RALGAPA2: variants seen among roughly 807,000 people sequenced by gnomAD.
RALGAPA2 encodes Ral GTPase activating protein catalytic subunit alpha 2, also known as ral GTPase-activating protein subunit alpha-2.
A neutral mutation model predicts 230.4 loss-of-function variants in RALGAPA2; 139 were observed. That is an observed-to-expected ratio of 0.60 (90% confidence interval 0.53 to 0.69). The LOEUF (loss-of-function observed/expected upper bound fraction) is 0.69. Among genes scored for constraint, RALGAPA2 ranks in the 30% least tolerant of loss-of-function variants. The pLI is 0.00. For synonymous variants in RALGAPA2, 847 were observed against 837.8 expected, an observed-to-expected ratio of 1.01 and a Z score of -0.19; for missense variants, 2,163 against 2,276.0, an observed-to-expected ratio of 0.95 and a Z score of 1.01.
chr20:20,412,980 CA>C (rs1295178432), intron 37 of RALGAPA2, among the ~76,000 whole-genome samples: 1 of 152,208 alleles, frequency 6.6e-6, no homozygotes, highest in East Asian at 1.9e-4. Context: ...CTTCCAATAA[CA>C]GGATAACGTC....
In RALGAPA2 at chr20:20,472,932, CAA is replaced by C. The variant is rs780433120; in HGVS notation, c.5390_5391del (p.Phe1797Ter). 6.3e-7 allele frequency: 1 copy of C among 1,598,762 alleles called. No individual in the cohort carries two copies. Among genetic ancestry groups the C allele is most frequent in the African/African-American group, 1.4e-5 (1 of 73,852 alleles). On this transcript the variant is annotated frameshift_variant, in exon 37 of 40. Coordinates refer to ENST00000202677, the MANE Select transcript of RALGAPA2 (RefSeq NM_020343.4). LOFTEE classifies it high-confidence loss of function. ...KPEVPFFGPL[F>X]DGAIVSGKLL... ...AGCTTCCCACTCACTATGGCTCCAT[CAA>C]ACAGAGGCCCAAAAAATGGAACCTG... is the stretch of plus-strand genomic sequence containing the variant.
chr20:20,699,482 C>G (rs564482407), intron 1 of RALGAPA2, among the ~76,000 whole-genome samples: 1 of 152,128 alleles, frequency 6.6e-6, no homozygotes, highest in African/African-American at 2.4e-5. Flanking sequence ...ACTGTTTACA[C>G]CAGGAATATG....
At chr20:20,493,071 G>A (rs1602533887) in intron 36 of RALGAPA2, among the ~76,000 whole-genome samples, 1 of 152,154 alleles carries the variant, frequency 6.6e-6, no homozygotes, top group Non-Finnish European at 1.5e-5. Context: ...GATATAAAAG[G>A]CCAAATGTTG....
chr20:20,588,369 C>T (rs1335009915), intron 18 of RALGAPA2, among the ~76,000 whole-genome samples: 5 of 152,120 alleles, frequency 3.3e-5, no homozygotes, highest in Non-Finnish European at 4.4e-5. Context: ...AGCAACAATA[C>T]TTTATTAAAA....
chr20:20,423,466 G>T (rs1198073425), intron 37 of RALGAPA2, among the ~76,000 whole-genome samples: 1 of 152,232 alleles, frequency 6.6e-6, no homozygotes, highest in East Asian at 1.9e-4. Context: ...ATCCTAGGGA[G>T]AAGCATCTGG....
chr20:20,674,026 A>G (rs1173966342), intron 3 of RALGAPA2, among the ~76,000 whole-genome samples: 2 of 151,916 alleles, frequency 1.3e-5, no homozygotes, highest in Non-Finnish European at 2.9e-5. Flanking sequence ...TATGTCTACA[A>G]CAAATTAAAA....
chr20:20,659,230 C>G (rs939242267), intron 3 of RALGAPA2, among the ~76,000 whole-genome samples: 2 of 152,192 alleles, frequency 1.3e-5, no homozygotes, highest in African/African-American at 2.4e-5. Context: ...GAGGGACCCA[C>G]GTGCATAGCA....
chr20:20,580,397 T>TTTCTCTAG (rs2064949830), intron 20 of RALGAPA2, among the ~76,000 whole-genome samples: 1 of 152,098 alleles, frequency 6.6e-6, no homozygotes, highest in Non-Finnish European at 1.5e-5. Flanking sequence ...AACTACCTCC[T>TTTCTCTAG]TTCTCTAGTT....
In RALGAPA2 at chr20:20,506,759, T is replaced by C. The variant is rs1171500387; in HGVS notation, c.4929-1225A>G. On this transcript the variant is annotated intron_variant, in intron 33 of 39. Transcript: ENST00000202677. ...ATTGTATTGGTAGAACTGAGTTCCA[T>C]ATTTTAACAAATTATCTAAGATTTC... Among the ~76,000 whole-genome samples, 4 of 152,234 alleles carry C rather than the reference T, an allele frequency of 2.6e-5. No homozygotes were observed. The East Asian group carries it at 7.7e-4, about 29-fold the overall frequency.
chr20:20,424,507 G>T (rs1330655770), intron 37 of RALGAPA2, among the ~76,000 whole-genome samples: 1 of 152,212 alleles, frequency 6.6e-6, no homozygotes, highest in African/African-American at 2.4e-5. Flanking sequence ...GAGGAAGGGA[G>T]TCAATGTCAC....
chr20:20,536,750 G>A lies in RALGAPA2; in HGVS notation c.3320C>T (p.Ser1107Phe), dbSNP rs199578412. The stretch of plus-strand genomic sequence containing the variant: ...GTAGGTATTTGGAAAGCAGACCAGA[G>A]AGCCGAGGACAGTGACAGCCTCTGA... ...PRSEAVTVLG[S>F]LVCFPNTYQE... Residue 1107 changes from serine (S) to phenylalanine (F), a missense_variant, in exon 25 of 40, where the codon TCT becomes TTT. By Grantham distance (155) the Ser-to-Phe change is radical. Transcript: ENST00000202677. 6.2e-7 allele frequency: 1 copy of A among 1,612,924 alleles called. No individual in the cohort carries two copies. The highest frequency in any genetic ancestry group is 1.3e-5 in the African/African-American group (1 of 75,034).
Position 20,392,598 on chromosome 20 carries a change from A to G in RALGAPA2, c.*691T>C. The G allele has an allele frequency of 6.3e-6, 1 of 159,612 alleles. No homozygotes were observed. The highest frequency in any genetic ancestry group is 2.4e-5 in the African/African-American group (1 of 41,604). The allele number at this position is 159,612 out of a possible 1,614,324, so 9.9% of individuals were successfully genotyped here. On this transcript the variant is annotated 3_prime_UTR_variant, in exon 40 of 40. Coordinates refer to ENST00000202677, the MANE Select transcript of RALGAPA2 (RefSeq NM_020343.4). ...TGACCTGAAGCGCCTCTGCGTGGTG[A>G]GGAGAGCCTCTGCTTAGTTAGCGGG...
chr20:20,560,117 G>T (rs1461665950), intron 23 of RALGAPA2, among the ~76,000 whole-genome samples: 2 of 152,106 alleles, frequency 1.3e-5, no homozygotes. Context: ...AGCTAAGAGT[G>T]AGGCCACCAA....
chr20:20,475,849 T>C (rs1249417590), intron 36 of RALGAPA2, among the ~76,000 whole-genome samples: 1 of 152,138 alleles, frequency 6.6e-6, no homozygotes, highest in Non-Finnish European at 1.5e-5. Flanking sequence ...ATTATGTATA[T>C]GAAAAGTCCA....
chr20:20,630,019 T>A lies in RALGAPA2; in HGVS notation c.1006-429A>T, dbSNP rs145108637. 3.0e-3 allele frequency among the ~76,000 whole-genome samples: 452 copies of A among 152,372 alleles called. 2 individuals are homozygous for A. Among genetic ancestry groups the A allele is most frequent in the African/African-American group, 0.01 (432 of 41,592 alleles). On this transcript the variant is annotated intron_variant, in intron 9 of 39. Coordinates refer to ENST00000202677, the MANE Select transcript of RALGAPA2 (RefSeq NM_020343.4). ...CTTGCAGCAACAATGCTAGGAGGCA[T>A]CATTTGATTCATATGACTAAGCGGC...
Position 20,400,572 on chromosome 20 carries a change from C to G in RALGAPA2, c.5618-3838G>C, listed in dbSNP as rs150152849. Among the ~76,000 whole-genome samples the G allele has an allele frequency of 1.6e-4, 24 of 152,230 alleles. 1 individual carries two copies. The East Asian group carries it at 4.6e-3, about 29-fold the overall frequency. ...TAAATTATAAATTTAAAATTAATAT[C>G]TTGGTGTCAACTTTCTTGTTAGGCC... On this transcript the variant is annotated intron_variant, in intron 38 of 39. Coordinates refer to ENST00000202677, the MANE Select transcript of RALGAPA2 (RefSeq NM_020343.4).
intron 2 of RALGAPA2, among the ~76,000 whole-genome samples, chr20:20,677,706 C>T (rs545128066): frequency 8.3e-5 from 11 of 132,286 alleles, no homozygotes; most frequent in East Asian, 2.4e-4. Context: ...TGCAGTGGCG[C>T]GATCTCGGCT....
At chr20:20,476,209 A>G (rs2123427914) in intron 36 of RALGAPA2, among the ~76,000 whole-genome samples, 1 of 152,314 alleles carries the variant, frequency 6.6e-6, no homozygotes, top group Middle Eastern at 3.4e-3. Context: ...CCTTTAAAAA[A>G]TATACATGTA....
At position 20,712,612 on chromosome 20, in the gene RALGAPA2, C is replaced by CGCCGCCGCCGCA. The variant is rs1469932259; in HGVS notation, c.-133_-132insTGCGGCGGCGGC. On this transcript the variant is annotated 5_prime_UTR_variant, in exon 1 of 40. Transcript: ENST00000202677. The surrounding 1 kb of genome is among the most constrained non-coding windows in gnomAD (Gnocchi z 5.5). ...CCCCCAGCCCCGCTGCTGCCGCCGC[C>CGCCGCCGCCGCA]GCCGCCGCCGCCGCCGCCTCAGCTG... The CGCCGCCGCCGCA allele has an allele frequency of 5.1e-6, 6 of 1,181,532 alleles. No individual in the cohort carries two copies. The highest frequency in any genetic ancestry group is 5.3e-6 in the Non-Finnish European group (5 of 950,066). The allele number at this position is 1,181,532 out of a possible 1,614,324, so 73.2% of individuals were successfully genotyped here. A position where few individuals can be genotyped will look rare whatever the true frequency, so the allele number is the denominator to read the frequency against.
Sources: allele counts gnomAD v4.1 joint callset (sites outside exome capture counted in the v4.1 genomes callset), GRCh38; gene constraint gnomAD v4.1.1; non-coding constraint Gnocchi (gnomAD v3.1); transcripts MANE v1.5; gene names NCBI Gene and HGNC (gene_info 2026-07-23, HGNC 2026-07-21).